RBM26: variants seen among roughly 807,000 people sequenced by gnomAD.
RBM26 encodes the protein RNA-binding protein 26.
A neutral mutation model predicts 123.6 loss-of-function variants in RBM26; 30 were observed. The ratio of observed to expected loss-of-function variants is 0.24; its 90% CI spans 0.18 to 0.33. The LOEUF (loss-of-function observed/expected upper bound fraction) is 0.33, where lower values mean the gene tolerates loss of function less well. Among genes scored for constraint, RBM26 ranks in the 10% least tolerant of loss-of-function variants. The probability of loss-of-function intolerance (pLI) is 1.00; values close to 1 mark genes in which losing one functional copy is unlikely to be tolerated. For synonymous variants in RBM26, 400 were observed against 404.4 expected (o/e 0.99, Z 0.13); for missense variants, 947 against 1,203.6 (o/e 0.79, Z 3.15).
intron 20 of RBM26, among the ~76,000 whole-genome samples, chr13:79,330,541 A>G (rs1214661848): frequency 6.6e-6 from 1 of 152,186 alleles, no homozygotes; most frequent in Non-Finnish European, 1.5e-5. Flanking sequence ...TGCAAAAACT[A>G]CAGAGAAAAC....
At chr13:79,342,977 T>G (rs1469416448) in intron 16 of RBM26, 146 bp from the exon 17 acceptor site, 1 of 526,870 alleles carries the variant, frequency 1.9e-6, no homozygotes, top group African/African-American at 2.0e-5. Flanking sequence ...ATGAATTATC[T>G]AAAGATCGCA....
downstream of RBM26, among the ~76,000 whole-genome samples, chr13:79,316,847 T>C (rs183206014): frequency 4.5e-4 from 69 of 151,914 alleles, no homozygotes; most frequent in African/African-American, 1.6e-3. Flanking sequence ...AGAGGCGACC[T>C]ACATTGCTGT....
intron 7 of RBM26, 71 bp downstream of exon 7, chr13:79,366,562 G>GA: frequency 5.0e-6 from 7 of 1,410,618 alleles, no homozygotes; most frequent in Middle Eastern, 1.9e-4. Context: ...TTTAATTTAA[G>GA]AATCTATTAA....
chr13:79,353,765 G>A (rs1364919723), intron 13 of RBM26, among the ~76,000 whole-genome samples: 1 of 152,134 alleles, frequency 6.6e-6, no homozygotes, highest in Non-Finnish European at 1.5e-5. Flanking sequence ...CACTAGCTAA[G>A]TAGGACACTA....
chr13:79,345,727 T>C (rs2072212204), intron 14 of RBM26, among the ~76,000 whole-genome samples: 1 of 152,144 alleles, frequency 6.6e-6, no homozygotes, highest in Non-Finnish European at 1.5e-5. Context: ...GTTTTTTAAC[T>C]TGGTTCAGTG....
chr13:79,322,576 T>C (rs561026022), intron 20 of RBM26, 114 bp from the exon 21 acceptor site: 11 of 582,330 alleles, frequency 1.9e-5, no homozygotes, highest in Non-Finnish European at 2.9e-5. Context: ...TGAAGATGGC[T>C]ATCTGCCCAT....
intron 1 of RBM26, among the ~76,000 whole-genome samples, chr13:79,384,207 T>C (rs1282894561): frequency 6.6e-6 from 1 of 152,072 alleles, no homozygotes; most frequent in Non-Finnish European, 1.5e-5. Flanking sequence ...ACTTTGTCAA[T>C]TCCTGAATAT....
chr13:79,360,855 A>G (rs2074597123), intron 9 of RBM26, among the ~76,000 whole-genome samples: 3 of 152,310 alleles, frequency 2.0e-5, no homozygotes, highest in African/African-American at 7.2e-5. Context: ...AGTTTAAAAC[A>G]TGCAAACCTT....
chr13:79,374,361 G>A (rs192062557), intron 3 of RBM26, among the ~76,000 whole-genome samples: 2 of 152,082 alleles, frequency 1.3e-5, no homozygotes, highest in Admixed American at 6.6e-5. Context: ...CCCAAAAGGG[G>A]ATTACAGGAG....
intron 20 of RBM26, among the ~76,000 whole-genome samples, chr13:79,332,370 C>T (rs1406531436): frequency 6.6e-6 from 1 of 152,138 alleles, no homozygotes; most frequent in African/African-American, 2.4e-5. Context: ...GACAAACACA[C>T]AAATTTTTAA....
chr13:79,393,263 G>T (rs1248930264), intron 1 of RBM26, among the ~76,000 whole-genome samples: 1 of 152,160 alleles, frequency 6.6e-6, no homozygotes, highest in Non-Finnish European at 1.5e-5. Context: ...AAGGCAGGAG[G>T]TAGGAGTTAA....
chr13:79,397,811 G>C (rs1434614043), intron 1 of RBM26, among the ~76,000 whole-genome samples: 7 of 151,488 alleles, frequency 4.6e-5, no homozygotes, highest in Non-Finnish European at 7.4e-5. Flanking sequence ...AAGTACACTT[G>C]GTAAAATTTC....
At chr13:79,331,464 C>CAAAAAAAAA (rs11452714) in intron 20 of RBM26, among the ~76,000 whole-genome samples, 1 of 128,714 alleles carries the variant, frequency 7.8e-6, no homozygotes, top group Non-Finnish European at 1.6e-5. Context: ...ACTAAAAATA[C>CAAAAAAAAA]AAAAAAAAAA....
rs531097093 is a variant in RBM26 at position 79,374,018 on chromosome 13, T to C, written c.328-2088A>G. On this transcript the variant is annotated intron_variant, in intron 3 of 21. Coordinates refer to ENST00000438737, the MANE Select transcript of RBM26 (RefSeq NM_001366735.2). ...GGTTGAACAAATTCAGGAAATATCG[T>C]GCAAGTGGCTTCTATAAATAAGATA... Among the ~76,000 whole-genome samples the C allele has an allele frequency of 2.0e-5, 3 of 152,052 alleles. No individual in the cohort carries two copies. The South Asian group carries it at 6.2e-4, about 32-fold the overall frequency.
chr13:79,334,872 C>T (rs9545073), intron 19 of RBM26, among the ~76,000 whole-genome samples: 44,349 of 151,736 alleles, frequency 0.29, 7,961 homozygotes, highest in Non-Finnish European at 0.41. Flanking sequence ...AGTAACTTCC[C>T]CAAAGTTAAT....
At position 79,355,252 on chromosome 13, in the gene RBM26, T is replaced by A. The variant is rs759425242; in HGVS notation, c.1822A>T (p.Ser608Cys). The change falls in exon 12 of 22, where the codon AGC (serine) becomes TGC (cysteine). Residue 608 changes from serine to cysteine, a missense_variant. By Grantham distance (112) the Ser-to-Cys change is moderately radical. Coordinates refer to ENST00000438737, the MANE Select transcript of RBM26 (RefSeq NM_001366735.2). ...GAAGTAGTTTGTAACTGTTGGGTGCTTCCTTCTCTGTGCCAATAAACCTTA... is the reference window on the plus strand; with the variant it reads ...GAAGTAGTTTGTAACTGTTGGGTGCATCCTTCTCTGTGCCAATAAACCTTA... ...FIKVYWHREG[S>C]TQQLQTTSPK... is the part of the protein sequence containing the mutation. 1 of 1,614,020 alleles carries A rather than the reference T, an allele frequency of 6.2e-7. No individual in the cohort carries two copies. Among genetic ancestry groups the A allele is most frequent in the Non-Finnish European group, 8.5e-7 (1 of 1,179,894 alleles).
chr13:79,347,051 T>C (rs1221590456), intron 14 of RBM26, among the ~76,000 whole-genome samples: 5 of 152,202 alleles, frequency 3.3e-5, no homozygotes, highest in Non-Finnish European at 5.9e-5. Context: ...CAAGTATTTC[T>C]CCAGTTTCAG....
intron 4 of RBM26, among the ~76,000 whole-genome samples, chr13:79,371,481 T>C (rs541487985): frequency 1.3e-5 from 2 of 152,204 alleles, no homozygotes; most frequent in East Asian, 1.9e-4. Context: ...CTTACAGACA[T>C]GTATCACATG....
At chr13:79,382,550 G>C (rs1310041495) in intron 1 of RBM26, among the ~76,000 whole-genome samples, 1 of 152,166 alleles carries the variant, frequency 6.6e-6, no homozygotes, top group Non-Finnish European at 1.5e-5. Context: ...TTCTGTGTGT[G>C]TGTTGGGGCT....
Sources: allele counts gnomAD v4.1 joint callset (sites outside exome capture counted in the v4.1 genomes callset), GRCh38; gene constraint gnomAD v4.1.1; transcripts MANE v1.5; gene names NCBI Gene and HGNC (gene_info 2026-07-23, HGNC 2026-07-21).